Variants in TRPM3 observed in about 807,000 individuals in gnomAD.
TRPM3 encodes transient receptor potential cation channel subfamily M member 3.
TRPM3 carries 77 observed loss-of-function variants against 181.2 expected under a neutral mutation model. The observed-to-expected ratio is 0.42, with a 90% CI of 0.35 to 0.51. The LOEUF (loss-of-function observed/expected upper bound fraction) is 0.51. TRPM3 is among the 20% of genes least tolerant of loss of function. The probability of loss-of-function intolerance (pLI) is 0.01; values close to 1 mark genes in which losing one functional copy is unlikely to be tolerated. For synonymous variants in TRPM3, 745 were observed against 796.4 expected, an observed-to-expected ratio of 0.94 and a Z score of 1.09; for missense variants, 1,759 against 2,196.7, an observed-to-expected ratio of 0.80 and a Z score of 3.98.
chr9:70,900,458 G>T (rs2096368858), intron 1 of TRPM3, among the ~76,000 whole-genome samples: 1 of 152,086 alleles, frequency 6.6e-6, no homozygotes, highest in Non-Finnish European at 1.5e-5. Context: ...AGGAATAACA[G>T]AAGAAAATAA....
intron 6 of TRPM3, chr9:70,811,113 G>T: frequency 2.2e-6 from 3 of 1,358,048 alleles, no homozygotes; most frequent in Non-Finnish European, 2.1e-6. Context: ...GAAGACTTCT[G>T]TGGTTAATTT....
chr9:71,432,717 A>AT (rs1039647716), intron 1 of TRPM3, among the ~76,000 whole-genome samples: 12 of 152,198 alleles, frequency 7.9e-5, no homozygotes, highest in Non-Finnish European at 1.8e-4. Flanking sequence ...TTTGTTCAAA[A>AT]TGTGTGTTTA....
intron 1 of TRPM3, among the ~76,000 whole-genome samples, chr9:71,340,591 A>G (rs1054353870): frequency 6.6e-6 from 1 of 152,108 alleles, no homozygotes; most frequent in South Asian, 2.1e-4. Flanking sequence ...CATGATTGTG[A>G]GGACTCCCCA....
chr9:71,302,913 C>G (rs1420507691), intron 1 of TRPM3, among the ~76,000 whole-genome samples: 1 of 151,884 alleles, frequency 6.6e-6, no homozygotes, highest in Non-Finnish European at 1.5e-5. Flanking sequence ...TGCTATGTCA[C>G]TGAGAAAGGC....
intron 1 of TRPM3, among the ~76,000 whole-genome samples, chr9:71,005,031 T>C (rs1374469110): frequency 6.6e-6 from 1 of 152,030 alleles, no homozygotes; most frequent in Admixed American, 6.6e-5. Flanking sequence ...CCAAGGGAGA[T>C]GAGAGAGAAC....
chr9:71,134,004 T>TGC (rs1351550406), intron 1 of TRPM3, among the ~76,000 whole-genome samples: 1 of 77,810 alleles, frequency 1.3e-5, no homozygotes, highest in African/African-American at 6.2e-5. Flanking sequence ...TGTGTGTGTG[T>TGC]GTGTGTGTGT....
At chr9:71,017,427 T>TA (rs1245603835) in intron 1 of TRPM3, among the ~76,000 whole-genome samples, 1 of 151,652 alleles carries the variant, frequency 6.6e-6, no homozygotes, top group African/African-American at 2.4e-5. Context: ...AGAAAACAAC[T>TA]AAAAATTCCC....
intron 1 of TRPM3, among the ~76,000 whole-genome samples, chr9:71,013,330 G>A (rs570200552): frequency 1.6e-4 from 24 of 152,112 alleles, no homozygotes; most frequent in African/African-American, 5.3e-4. Flanking sequence ...ATGATGTGGT[G>A]TTAGATTTTA....
At chr9:71,130,238 G>A (rs560734841) in intron 1 of TRPM3, among the ~76,000 whole-genome samples, 5 of 152,182 alleles carry the variant, frequency 3.3e-5, no homozygotes, top group South Asian at 2.1e-4. Flanking sequence ...GTTCAAAAAC[G>A]TATACATAAA....
At chr9:71,139,565 G>T (rs540335899) in intron 1 of TRPM3, among the ~76,000 whole-genome samples, 1 of 152,106 alleles carries the variant, frequency 6.6e-6, no homozygotes, top group South Asian at 2.1e-4. Flanking sequence ...GTCTGAGCTC[G>T]TAAATAATTT....
chr9:71,173,439 G>A (rs2134827660), intron 1 of TRPM3, among the ~76,000 whole-genome samples: 1 of 152,276 alleles, frequency 6.6e-6, no homozygotes, highest in East Asian at 1.9e-4. Context: ...GTGGTAAATT[G>A]TAAACATATG....
chr9:71,404,136 G>A (rs1031127909), intron 1 of TRPM3, among the ~76,000 whole-genome samples: 6 of 152,162 alleles, frequency 3.9e-5, no homozygotes, highest in Admixed American at 3.9e-4. Flanking sequence ...AACAAGGGCT[G>A]TAATACATAC....
chr9:70,849,986 C>T lies in TRPM3; in HGVS notation c.463-3395G>A, dbSNP rs138119253. On this transcript the variant is annotated intron_variant, in intron 3 of 25. Transcript: ENST00000677713. ...ATGAAAGCAGCTTAATAAAATAAAC[C>T]GCACCATCAAGAGATACCAAAGAGC... 3.3e-3 allele frequency among the ~76,000 whole-genome samples: 505 copies of T among 152,058 alleles called. 2 individuals carry two copies. The highest frequency in any genetic ancestry group is 0.017 in the Middle Eastern group (5 of 294).
At chr9:70,750,699 A>C (rs1459779379) in intron 8 of TRPM3, among the ~76,000 whole-genome samples, 1 of 152,174 alleles carries the variant, frequency 6.6e-6, no homozygotes, top group Non-Finnish European at 1.5e-5. Flanking sequence ...GGATAGGGGA[A>C]CTGAAGCTTT....
intron 6 of TRPM3, among the ~76,000 whole-genome samples, chr9:70,798,699 T>C (rs988264598): frequency 2.0e-5 from 3 of 152,288 alleles, no homozygotes; most frequent in Non-Finnish European, 2.9e-5. Flanking sequence ...CTTAGGATCA[T>C]ACCTTAGGAC....
intron 1 of TRPM3, among the ~76,000 whole-genome samples, chr9:71,167,803 A>T (rs997978095): frequency 2.0e-5 from 3 of 152,184 alleles, no homozygotes; most frequent in Admixed American, 6.5e-5. Flanking sequence ...AGCACAATTT[A>T]AAAAAAATCC....
At chr9:71,297,719 C>G (rs1460034741) in intron 1 of TRPM3, among the ~76,000 whole-genome samples, 1 of 152,174 alleles carries the variant, frequency 6.6e-6, no homozygotes, top group Non-Finnish European at 1.5e-5. Context: ...GGTTGGGACA[C>G]AGCCAAAACA....
intron 1 of TRPM3, among the ~76,000 whole-genome samples, chr9:71,093,836 C>T (rs1466012134): frequency 6.6e-6 from 1 of 151,948 alleles, no homozygotes; most frequent in Admixed American, 6.6e-5. Context: ...TGGAACCAAC[C>T]CAAATGCCCA....
At chr9:71,181,873 A>T (rs2077424381) in intron 1 of TRPM3, among the ~76,000 whole-genome samples, 1 of 152,098 alleles carries the variant, frequency 6.6e-6, no homozygotes, top group Non-Finnish European at 1.5e-5. Flanking sequence ...TTCCAGCACT[A>T]CCTGTGTCAT....
Sources: gnomAD v4.1 joint callset for allele counts (sites outside exome capture counted in the v4.1 genomes callset) on GRCh38, gnomAD v4.1.1 for gene constraint, MANE v1.5 for transcripts, NCBI Gene and HGNC (gene_info 2026-07-23, HGNC 2026-07-21) for gene names.